ZNF519: variants seen among roughly 807,000 people sequenced by gnomAD.
ZNF519 encodes the protein similar to Zinc finger protein 85 (Zinc finger protein HPF4) (HTF1).
Under a neutral mutation model 7.4 loss-of-function variants are expected in ZNF519, and 7 were observed. The observed-to-expected ratio is 0.94, with a 90% CI of 0.54 to 1.77. The LOEUF (loss-of-function observed/expected upper bound fraction) is 1.77. ZNF519 is among the 40% of genes most tolerant of loss of function. ZNF519 has a pLI of 0.00. For synonymous variants in ZNF519, 179 were observed against 203.3 expected (o/e 0.88, Z 1.02); for missense variants, 586 against 623.1 (o/e 0.94, Z 0.63).
intron 2 of ZNF519, among the ~76,000 whole-genome samples, chr18:14,114,253 T>C (rs1220462215): frequency 2.6e-5 from 4 of 152,190 alleles, no homozygotes; most frequent in African/African-American, 7.2e-5. Flanking sequence ...GTTTTCTTAA[T>C]AGTACTTTCA....
chr18:14,125,448 A>G (rs1433210185), intron 1 of ZNF519, among the ~76,000 whole-genome samples: 3 of 152,200 alleles, frequency 2.0e-5, no homozygotes, highest in Admixed American at 2.0e-4. Flanking sequence ...ATTGTCCCAC[A>G]CTTCCCAGGA....
intron 1 of ZNF519, among the ~76,000 whole-genome samples, 174 bp downstream of exon 1, chr18:14,132,100 TG>T (rs1174442281): frequency 6.6e-6 from 1 of 152,054 alleles, no homozygotes; most frequent in East Asian, 1.9e-4. Context: ...GGCTACAGGC[TG>T]GGGCCAAAGC....
chr18:14,072,946 C>T (rs2046033518), downstream of ZNF519: 1 of 152,182 alleles, frequency 6.6e-6, no homozygotes, highest in South Asian at 2.1e-4. Flanking sequence ...TTTTGCCATA[C>T]AACTGCATGA....
At chr18:14,083,311 C>T (rs1185140495) in intron 3 of ZNF519, among the ~76,000 whole-genome samples, 1 of 152,156 alleles carries the variant, frequency 6.6e-6, no homozygotes, top group Non-Finnish European at 1.5e-5. Flanking sequence ...GATTGTGCCA[C>T]TGCATTCCAG....
chr18:14,111,742 C>T (rs931963200), intron 2 of ZNF519, among the ~76,000 whole-genome samples: 4 of 151,882 alleles, frequency 2.6e-5, no homozygotes, highest in Admixed American at 1.3e-4. Context: ...TTAAGAAATC[C>T]AGAACCTGAA....
chr18:14,099,392 A>G (rs1264195532), downstream of ZNF519, among the ~76,000 whole-genome samples: 1 of 152,194 alleles, frequency 6.6e-6, no homozygotes, highest in Non-Finnish European at 1.5e-5. Flanking sequence ...TAGCTCTAGT[A>G]GCATGCAAGT....
chr18:14,114,076 C>CA (rs1435533167), intron 2 of ZNF519, among the ~76,000 whole-genome samples: 4 of 151,836 alleles, frequency 2.6e-5, no homozygotes, highest in African/African-American at 9.7e-5. Context: ...TATTTTCTTC[C>CA]ATTTGGTATG....
At chr18:14,073,250 T>TTATG (rs2046035027), downstream of ZNF519, 1 of 15,052 alleles carries the variant, frequency 6.6e-5, no homozygotes, top group African/African-American at 1.9e-4. Flanking sequence ...TTATATTTAT[T>TTATG]TATTTATTTA....
intron 2 of ZNF519, among the ~76,000 whole-genome samples, chr18:14,085,498 C>T (rs995328091): frequency 3.2e-4 from 48 of 151,994 alleles, no homozygotes; most frequent in African/African-American, 1.1e-3. Flanking sequence ...TCATCTCCCC[C>T]ACAAAAACAT....
At chr18:14,128,662 G>A (rs2046313668) in intron 1 of ZNF519, among the ~76,000 whole-genome samples, 1 of 144,428 alleles carries the variant, frequency 6.9e-6, no homozygotes, top group Admixed American at 7.1e-5. Flanking sequence ...ATAGTTCCCA[G>A]GTCCTAGATT....
At chr18:14,089,773 GA>G (rs1207734578) in intron 2 of ZNF519, among the ~76,000 whole-genome samples, 2 of 151,872 alleles carry the variant, frequency 1.3e-5, no homozygotes, top group Non-Finnish European at 2.9e-5. Context: ...TTTTTTAAAG[GA>G]AAAAAATAAT....
downstream of ZNF519, among the ~76,000 whole-genome samples, chr18:14,098,264 A>G: frequency 6.6e-6 from 1 of 151,370 alleles, no homozygotes; most frequent in East Asian, 1.9e-4. Flanking sequence ...AGGTTCAGGT[A>G]ATTCTCCTGC....
At chr18:14,091,403 G>A (rs940808503) in intron 2 of ZNF519, among the ~76,000 whole-genome samples, 5 of 151,990 alleles carry the variant, frequency 3.3e-5, no homozygotes, top group African/African-American at 1.2e-4. Flanking sequence ...ATTAAGCCAG[G>A]GTTTCCACAA....
rs1286620842 is a variant in ZNF519, at chr18:14,105,191, T to C, written c.1349A>G (p.His450Arg). 6 of 1,571,754 alleles carry C rather than the reference T, an allele frequency of 3.8e-6. No individual in the cohort carries two copies. Among genetic ancestry groups the C allele is most frequent in the Admixed American group, 1.7e-5 (1 of 58,686 alleles). Residue 450 changes from histidine (H) to arginine (R), a missense_variant, in exon 3 of 3, where the codon CAT becomes CGT. Transcript: ENST00000590202. ...CTTCTCTCCAGTATGGATTCTTTGA[T>C]GTCGAGTAAGGTGTGAGCCCCTGTT... ...AFNRGSHLTR[H>R]QRIHTGEKSF...
chr18:14,112,587 T>G (rs1444689678), intron 2 of ZNF519, among the ~76,000 whole-genome samples: 1 of 152,104 alleles, frequency 6.6e-6, no homozygotes, highest in African/African-American at 2.4e-5. Flanking sequence ...ACTCATAAAT[T>G]TAGTCAAGAT....
At chr18:14,079,048 T>TA (rs1456152449) in intron 3 of ZNF519, among the ~76,000 whole-genome samples, 2 of 152,020 alleles carry the variant, frequency 1.3e-5, no homozygotes, top group African/African-American at 2.4e-5. Flanking sequence ...CACCCTGGAA[T>TA]AAAAAAAGGG....
intron 2 of ZNF519, among the ~76,000 whole-genome samples, chr18:14,110,178 C>T (rs1398879932): frequency 2.6e-5 from 4 of 151,946 alleles, no homozygotes; most frequent in South Asian, 2.1e-4. Flanking sequence ...CATCTCTGAC[C>T]GTATACAAAA....
At position 14,101,964 on chromosome 18, in the gene ZNF519, A is replaced by G. The variant is rs2143117549; in HGVS notation, c.*2953T>C. On this transcript the variant is annotated 3_prime_UTR_variant, in exon 3 of 3. Coordinates refer to ENST00000590202, the MANE Select transcript of ZNF519 (RefSeq NM_145287.4). Reference sequence around the variant, plus strand: ...TTCAACATGAATAATTTTAAGACATATAATATTCTCTAATATTCAGGAATA... The same window carrying G: ...TTCAACATGAATAATTTTAAGACATGTAATATTCTCTAATATTCAGGAATA... 1 of 383,838 alleles carries G rather than the reference A, an allele frequency of 2.6e-6. No individual in the cohort carries two copies. Among genetic ancestry groups the G allele is most frequent in the East Asian group, 3.7e-5 (1 of 26,938 alleles). 23.8% of individuals were successfully genotyped at this position (383,838 alleles called of 1,614,324 possible).
intron 2 of ZNF519, among the ~76,000 whole-genome samples, chr18:14,120,039 T>C (rs1382409672): frequency 2.6e-5 from 4 of 152,060 alleles, no homozygotes; most frequent in African/African-American, 9.7e-5. Context: ...TCAACAGTAA[T>C]AGAAAATAAA....
Sources: gnomAD v4.1 joint callset for allele counts (sites outside exome capture counted in the v4.1 genomes callset) on GRCh38, gnomAD v4.1.1 for gene constraint, MANE v1.5 for transcripts, NCBI Gene and HGNC (gene_info 2026-07-23, HGNC 2026-07-21) for gene names.